HYCC1: variants seen among roughly 807,000 people sequenced by gnomAD.
HYCC1 encodes the protein hyccin PI4KA lipid kinase complex subunit 1, also known as hyccin.
the HYCC1 span, among the ~76,000 whole-genome samples, chr7:22,896,595 T>G: frequency 1.8e-4 from 27 of 152,348 alleles, no homozygotes; most frequent in Non-Finnish European, 3.4e-4. Flanking sequence ...TTTTTGCCTT[T>G]TATACAATTG....
At chr7:22,897,716 C>A in the HYCC1 span, among the ~76,000 whole-genome samples, 1 of 152,146 alleles carries the variant, frequency 6.6e-6, no homozygotes. Context: ...AAGCGACCCT[C>A]ACACCTCAGC....
At chr7:22,940,992 G>C in the HYCC1 span, 1 of 152,022 alleles carries the variant, frequency 6.6e-6, no homozygotes, top group Non-Finnish European at 1.5e-5. Flanking sequence ...CTGTGCTTCT[G>C]ATATGACAAA....
chr7:22,921,937 A>C, the HYCC1 span, among the ~76,000 whole-genome samples: 1 of 152,188 alleles, frequency 6.6e-6, no homozygotes, highest in African/African-American at 2.4e-5. Context: ...TAATATGTAT[A>C]GGAAAGCTCT....
At chr7:22,977,439 A>AGT in the HYCC1 span, 1 of 1,269,442 alleles carries the variant, frequency 7.9e-7, no homozygotes, top group Non-Finnish European at 1.1e-6. Context: ...AGTGAAAGAA[A>AGT]ATATATTAAA....
At chr7:22,958,394 G>A in the HYCC1 span, among the ~76,000 whole-genome samples, 3 of 152,086 alleles carry the variant, frequency 2.0e-5, no homozygotes. Flanking sequence ...TTCCATGCAT[G>A]TGACTTACTT....
the HYCC1 span, among the ~76,000 whole-genome samples, chr7:22,990,751 T>C: frequency 2.6e-5 from 4 of 152,192 alleles, no homozygotes; most frequent in African/African-American, 9.6e-5. Flanking sequence ...AGAAACATTT[T>C]GACAATGAAT....
the HYCC1 span, among the ~76,000 whole-genome samples, chr7:22,921,733 T>C: frequency 6.6e-6 from 1 of 152,210 alleles, no homozygotes; most frequent in Non-Finnish European, 1.5e-5. Flanking sequence ...TATGAATTTT[T>C]AAAATTCTGT....
the HYCC1 span, among the ~76,000 whole-genome samples, chr7:22,900,965 C>T: frequency 3.3e-5 from 5 of 151,988 alleles, no homozygotes; most frequent in African/African-American, 1.2e-4. Context: ...TGGTTCATGC[C>T]TGTAAGCAAT....
the HYCC1 span, among the ~76,000 whole-genome samples, chr7:22,955,688 T>C: frequency 1.3e-5 from 2 of 151,526 alleles, no homozygotes; most frequent in African/African-American, 4.8e-5. Flanking sequence ...AGAGAGAAAA[T>C]AGCAATTAGA....
the HYCC1 span, among the ~76,000 whole-genome samples, chr7:22,962,415 T>G: frequency 6.6e-6 from 1 of 151,922 alleles, no homozygotes; most frequent in Non-Finnish European, 1.5e-5. Context: ...CTTGATGGTA[T>G]AGGCCTGAAG....
chr7:22,981,850 A>C, the HYCC1 span, among the ~76,000 whole-genome samples: 2 of 152,234 alleles, frequency 1.3e-5, no homozygotes, highest in Non-Finnish European at 2.9e-5. Flanking sequence ...TTTCAGATAC[A>C]CATATTTGTC....
chr7:23,009,181 T>A, the HYCC1 span, among the ~76,000 whole-genome samples: 1 of 152,120 alleles, frequency 6.6e-6, no homozygotes, highest in Non-Finnish European at 1.5e-5. Flanking sequence ...AGATATTTCA[T>A]AAAGGAAATA....
the HYCC1 span, among the ~76,000 whole-genome samples, chr7:22,897,135 G>GC: frequency 6.6e-6 from 1 of 152,180 alleles, no homozygotes; most frequent in Admixed American, 6.5e-5. Flanking sequence ...ACATCTTGGG[G>GC]AGAGACAGCG....
chr7:22,910,063 A>G, the HYCC1 span, among the ~76,000 whole-genome samples: 1 of 152,248 alleles, frequency 6.6e-6, no homozygotes. Context: ...TATGAAATGC[A>G]ACTCAGTGAC....
At chr7:22,988,461 A>T in the HYCC1 span, among the ~76,000 whole-genome samples, 1 of 152,212 alleles carries the variant, frequency 6.6e-6, no homozygotes, top group Admixed American at 6.5e-5. Context: ...ATATTACTTA[A>T]ATAATATTTC....
chr7:22,935,247 G>A, the HYCC1 span: 2 of 152,174 alleles, frequency 1.3e-5, no homozygotes, highest in African/African-American at 2.4e-5. Flanking sequence ...CTCTTGTGAA[G>A]ACTGTATTTG....
the HYCC1 span, among the ~76,000 whole-genome samples, chr7:22,949,654 G>A: frequency 6.6e-6 from 1 of 151,752 alleles, no homozygotes; most frequent in African/African-American, 2.4e-5. Flanking sequence ...GTGCTTCAAT[G>A]GCAGAAATTC....
At chr7:22,935,207 G>C in the HYCC1 span, 3 of 152,208 alleles carry the variant, frequency 2.0e-5, no homozygotes, top group African/African-American at 7.2e-5. Flanking sequence ...GTGTTGCTCT[G>C]CTATAGAAGT....
At chr7:23,008,071 TAAGAAA>T in the HYCC1 span, among the ~76,000 whole-genome samples, 2 of 152,084 alleles carry the variant, frequency 1.3e-5, no homozygotes, top group Non-Finnish European at 2.9e-5. Flanking sequence ...ATCAATGTCC[TAAGAAA>T]AAGAAATAAG....
Sources: gnomAD v4.1 joint callset for allele counts (sites outside exome capture counted in the v4.1 genomes callset) on GRCh38, gnomAD v4.1.1 for gene constraint, MANE v1.5 for transcripts, NCBI Gene and HGNC (gene_info 2026-07-23, HGNC 2026-07-21) for gene names.